CLOCK: variants seen among roughly 807,000 people sequenced by gnomAD.
CLOCK encodes the protein circadian locomoter output cycles protein kaput.
A neutral mutation model predicts 118.4 loss-of-function variants in CLOCK; 43 were observed. The observed-to-expected ratio is 0.36, with a 90% CI of 0.28 to 0.47. The LOEUF is 0.47. Among genes scored for constraint, CLOCK ranks in the 20% least tolerant of loss-of-function variants. The probability of loss-of-function intolerance (pLI) is 1.00; values close to 1 mark genes in which losing one functional copy is unlikely to be tolerated. For missense variants in CLOCK, 846 were observed against 999.9 expected (o/e 0.85, Z 2.08); for synonymous variants, 326 against 339.2 (o/e 0.96, Z 0.43).
At chr4:55,506,434 T>C (rs1728799455) in intron 2 of CLOCK, among the ~76,000 whole-genome samples, 1 of 152,004 alleles carries the variant, frequency 6.6e-6, no homozygotes, top group Non-Finnish European at 1.5e-5. Context: ...AAAAAAACCA[T>C]ATAGGGAAGT....
At position 55,435,175 on chromosome 4, in the gene CLOCK, G is replaced by T; in HGVS notation, c.*240C>A. ...TCTTTTTCCATCAAAAAATATCCAGGCACCTAAAACACTGTCAGAACTGGC... is the reference window on the plus strand; with the variant it reads ...TCTTTTTCCATCAAAAAATATCCAGTCACCTAAAACACTGTCAGAACTGGC... On this transcript the variant is annotated 3_prime_UTR_variant, in exon 23 of 23. Coordinates refer to ENST00000513440, the MANE Select transcript of CLOCK (RefSeq NM_004898.4). 1.9e-6 allele frequency: 1 copy of T among 528,046 alleles called. No individual in the cohort carries two copies. Among genetic ancestry groups the T allele is most frequent in the Non-Finnish European group, 3.4e-6 (1 of 291,436 alleles). The allele number at this position is 528,046 out of a possible 1,614,324, so 32.7% of individuals were successfully genotyped here. A position where few individuals can be genotyped will look rare whatever the true frequency, so the allele number is the denominator to read the frequency against.
intron 21 of CLOCK, among the ~76,000 whole-genome samples, chr4:55,439,699 T>C (rs918072176): frequency 2.6e-5 from 4 of 152,154 alleles, no homozygotes; most frequent in Admixed American, 2.0e-4. Flanking sequence ...ATTCTGACAA[T>C]TGCTGTAACA....
chr4:55,443,987 T>A, intron 19 of CLOCK, 91 bp from the exon 20 acceptor site: 6 of 1,188,156 alleles, frequency 5.0e-6, no homozygotes, highest in Non-Finnish European at 7.2e-6. Context: ...CTACAAAGTA[T>A]GTTTAAAAAG....
At chr4:55,466,846 C>T (rs867997411) in intron 8 of CLOCK, among the ~76,000 whole-genome samples, 1 of 152,284 alleles carries the variant, frequency 6.6e-6, no homozygotes, top group Non-Finnish European at 1.5e-5. Context: ...ATGGTAACTA[C>T]TTGGATCTTT....
intron 3 of CLOCK, among the ~76,000 whole-genome samples, chr4:55,488,400 G>A (rs1281264987): frequency 6.6e-6 from 1 of 152,108 alleles, no homozygotes; most frequent in East Asian, 1.9e-4. Context: ...CTGCTTTTTA[G>A]ACATTTCTAC....
intron 6 of CLOCK, among the ~76,000 whole-genome samples, chr4:55,477,464 C>T (rs1577756250): frequency 1.3e-5 from 2 of 151,512 alleles, no homozygotes; most frequent in Non-Finnish European, 1.5e-5. Context: ...TGATATGGTG[C>T]TAAGGAAGCT....
intron 1 of CLOCK, among the ~76,000 whole-genome samples, chr4:55,539,267 C>A (rs1731099080): frequency 6.6e-6 from 1 of 150,518 alleles, no homozygotes; most frequent in Admixed American, 6.6e-5. Flanking sequence ...AAAAAAACAC[C>A]AAAAACCACT....
At chr4:55,448,426 A>G (rs1019014990) in intron 18 of CLOCK, among the ~76,000 whole-genome samples, 4 of 152,094 alleles carry the variant, frequency 2.6e-5, no homozygotes, top group Admixed American at 2.0e-4. Context: ...TTGTTGTGCA[A>G]GACTCTTATG....
rs376362128 is a variant in CLOCK at position 55,447,048 on chromosome 4, G to GT, written c.1539+1730dup. On this transcript the variant is annotated intron_variant, in intron 18 of 22. Coordinates refer to ENST00000513440, the MANE Select transcript of CLOCK (RefSeq NM_004898.4). ...TCAACTCCCTCAAGTTTTTTTTTTTGTTTTTTTTTAAATATTAGTCAAAAT... is the reference window on the plus strand; with the variant it reads ...TCAACTCCCTCAAGTTTTTTTTTTTGTTTTTTTTTTAAATATTAGTCAAAAT... Among the ~76,000 whole-genome samples the GT allele has an allele frequency of 2.0e-3, 294 of 145,798 alleles. 2 individuals carry two copies. The highest frequency in any genetic ancestry group is 6.2e-3 in the South Asian group (28 of 4,536).
intron 9 of CLOCK, among the ~76,000 whole-genome samples, chr4:55,460,782 A>G (rs1450834180): frequency 6.6e-6 from 1 of 152,240 alleles, no homozygotes; most frequent in Non-Finnish European, 1.5e-5. Flanking sequence ...TTATCATCAT[A>G]GATGGCTTTA....
At chr4:55,485,561 A>G (rs1327576193) in intron 3 of CLOCK, among the ~76,000 whole-genome samples, 1 of 152,148 alleles carries the variant, frequency 6.6e-6, no homozygotes, top group African/African-American at 2.4e-5. Flanking sequence ...AAGGATACAG[A>G]TGCCATGCCA....
intron 1 of CLOCK, among the ~76,000 whole-genome samples, chr4:55,526,844 G>C (rs1730226094): frequency 6.6e-6 from 1 of 151,554 alleles, no homozygotes; most frequent in African/African-American, 2.4e-5. Context: ...CTACTCGGGA[G>C]GCTGAGGCAA....
At position 55,435,357 on chromosome 4, in the gene CLOCK, G is replaced by A; in HGVS notation, c.*58C>T. On this transcript the variant is annotated 3_prime_UTR_variant, in exon 23 of 23. Coordinates refer to ENST00000513440, the MANE Select transcript of CLOCK (RefSeq NM_004898.4). ...TCCCTCCTTTCCTCAGGTCATCTGA[G>A]TAACTCTTAATGGGCCATCCCCTTC... 6.3e-7 allele frequency: 1 copy of A among 1,595,312 alleles called. No homozygotes were observed. The highest frequency in any genetic ancestry group is 8.6e-7 in the Non-Finnish European group (1 of 1,164,150).
At chr4:55,465,360 G>A (rs1725665160) in intron 8 of CLOCK, among the ~76,000 whole-genome samples, 1 of 152,052 alleles carries the variant, frequency 6.6e-6, no homozygotes, top group Admixed American at 6.6e-5. Context: ...AGCGGGTCCT[G>A]GAACCAACCA....
At chr4:55,506,411 A>G (rs1176433390) in intron 2 of CLOCK, among the ~76,000 whole-genome samples, 1 of 152,160 alleles carries the variant, frequency 6.6e-6, no homozygotes, top group Non-Finnish European at 1.5e-5. Flanking sequence ...AGATTTTAAA[A>G]GTGGAATTCT....
chr4:55,526,119 C>T (rs1044615058), intron 1 of CLOCK, among the ~76,000 whole-genome samples: 4 of 152,118 alleles, frequency 2.6e-5, no homozygotes, highest in Admixed American at 2.6e-4. Flanking sequence ...ATCCGAAACG[C>T]TTCTAATCCC....
rs1560409437 is a variant in CLOCK at position 55,435,596 on chromosome 4, T to C, written c.2362-2A>G. On this transcript the variant is annotated splice_acceptor_variant, in intron 22 of 22. Coordinates refer to ENST00000513440, the MANE Select transcript of CLOCK (RefSeq NM_004898.4). LOFTEE classifies it high-confidence loss of function. ...ATTCCCATGGAGCAACCTAGAAGTCTAAAAAACAAATGGATTATGCAGCAT... is the reference window on the plus strand; with the variant it reads ...ATTCCCATGGAGCAACCTAGAAGTCCAAAAAACAAATGGATTATGCAGCAT... 1 of 1,613,732 alleles carries C rather than the reference T, an allele frequency of 6.2e-7. No homozygotes were observed. The highest frequency in any genetic ancestry group is 1.7e-5 in the Admixed American group (1 of 59,980).
chr4:55,494,692 CT>C (rs1727939257), intron 2 of CLOCK, among the ~76,000 whole-genome samples: 1 of 152,126 alleles, frequency 6.6e-6, no homozygotes. Flanking sequence ...CAAACACCCC[CT>C]GTTCCCCAAA....
intron 1 of CLOCK, among the ~76,000 whole-genome samples, chr4:55,515,904 T>G (rs1435986962): frequency 2.0e-5 from 3 of 152,208 alleles, no homozygotes; most frequent in African/African-American, 7.2e-5. Flanking sequence ...TAGATTTCTC[T>G]TGATACATCA....
Sources: gnomAD v4.1 joint callset for allele counts (sites outside exome capture counted in the v4.1 genomes callset) on GRCh38, gnomAD v4.1.1 for gene constraint, MANE v1.5 for transcripts, NCBI Gene and HGNC (gene_info 2026-07-23, HGNC 2026-07-21) for gene names.